CLCN1: variants seen among roughly 807,000 people sequenced by gnomAD.
CLCN1 encodes the protein chloride voltage-gated channel 1.
CLCN1 carries 100 observed loss-of-function variants against 114.5 expected under a neutral mutation model. The ratio of observed to expected loss-of-function variants is 0.87; its 90% CI spans 0.74 to 1.03. CLCN1 has a LOEUF of 1.03. Among genes scored for constraint, CLCN1 ranks in the 50% least tolerant of loss-of-function variants. CLCN1 has a pLI of 0.00. For synonymous variants in CLCN1, 485 were observed against 487.1 expected (o/e 1.00, Z 0.06); for missense variants, 1,188 against 1,250.0 (o/e 0.95, Z 0.75).
At chr7:143,329,577 T>G (rs1435970477) in intron 7 of CLCN1, among the ~76,000 whole-genome samples, 1 of 152,018 alleles carries the variant, frequency 6.6e-6, no homozygotes, top group Non-Finnish European at 1.5e-5. Context: ...TCCTGGGGGA[T>G]TCAAGAGATG....
Position 143,321,541 on chromosome 7 carries a change from G to T in CLCN1, c.562+48G>T. The T allele has an allele frequency of 6.2e-7, 1 of 1,613,242 alleles. No individual in the cohort carries two copies. Among genetic ancestry groups the T allele is most frequent in the Non-Finnish European group, 8.5e-7 (1 of 1,179,930 alleles). ...GGCCTGAGCTGGGTGGCCTGAGAGG[G>T]GCCCTGTCTGTCTCCCCCATCATCC... On this transcript the variant is annotated intron_variant, in intron 4 of 22. Coordinates refer to ENST00000343257, the MANE Select transcript of CLCN1 (RefSeq NM_000083.3). This position sits in a 1 kb window ranked among gnomAD's most constrained non-coding sequence, Gnocchi z 4.2.
intron 20 of CLCN1, among the ~76,000 whole-genome samples, chr7:143,348,622 C>T (rs1803315336): frequency 6.6e-6 from 1 of 152,016 alleles, no homozygotes; most frequent in South Asian, 2.1e-4. Context: ...CCAGATGATA[C>T]CCTTGACAAT....
At chr7:143,332,337 G>A in intron 10 of CLCN1, 82 bp from the exon 11 acceptor site, 1 of 1,028,594 alleles carries the variant, frequency 9.7e-7, no homozygotes, top group Non-Finnish European at 1.5e-6. Flanking sequence ...TGGACTAAAG[G>A]AAACTTCAGC....
Position 143,316,229 on chromosome 7 carries a change from C to G in CLCN1, c.17C>G (p.Ser6Ter). The G allele has an allele frequency of 6.2e-7, 1 of 1,613,410 alleles. No individual in the cohort carries two copies. The highest frequency in any genetic ancestry group is 8.5e-7 in the Non-Finnish European group (1 of 1,179,644). MEQSR[S>*]QQRGGEQSWW... Reference sequence around the variant, plus strand: ...GGAGGGAATATGGAGCAATCCCGGTCACAGCAGCGTGGGGGTGAACAAAGC... The same window carrying G: ...GGAGGGAATATGGAGCAATCCCGGTGACAGCAGCGTGGGGGTGAACAAAGC... The change falls in exon 1 of 23, where the codon TCA (serine) becomes TGA (stop). Residue 6 changes from serine to a stop codon, truncating the protein, a stop_gained. Transcript: ENST00000343257. LOFTEE classifies it high-confidence loss of function.
chr7:143,320,571 C>A, intron 2 of CLCN1, 93 bp from the exon 3 acceptor site: 8 of 840,002 alleles, frequency 9.5e-6, no homozygotes, highest in Admixed American at 8.9e-5. Context: ...CTCTCTCTCT[C>A]TCTCTCTCTC....
In CLCN1 at chr7:143,324,721, C is replaced by G. The variant is rs1203583660; in HGVS notation, c.853+229C>G. 6.6e-6 allele frequency among the ~76,000 whole-genome samples: 1 copy of G among 152,186 alleles called. No homozygotes were observed. The highest frequency in any genetic ancestry group is 1.5e-5 in the Non-Finnish European group (1 of 68,038). ...GGAGGAAGAGGAGAGAACTGAGTTA[C>G]AGAGAGGGACAGTGACTTGAGCAAG... On this transcript the variant is annotated intron_variant, in intron 7 of 22. Transcript: ENST00000343257. The surrounding 1 kb of genome is among the most constrained non-coding windows in gnomAD (Gnocchi z 4.6).
intron 10 of CLCN1, 99 bp downstream of exon 10, chr7:143,331,751 G>A (rs1802730622): frequency 4.9e-6 from 4 of 824,414 alleles, no homozygotes; most frequent in Admixed American, 1.9e-5. Context: ...ATGCCTCTGG[G>A]TGGCTTGCAT....
chr7:143,350,679 GC>G lies in CLCN1; in HGVS notation c.2595+26del. ...GGTAATCACGATGTGTCCCATTTGAGCAGCAGGAGGGAGGCTGGGCATAGGA... is the reference window on the plus strand; with the variant it reads ...GGTAATCACGATGTGTCCCATTTGAGAGCAGGAGGGAGGCTGGGCATAGGA... On this transcript the variant is annotated intron_variant, in intron 22 of 22. Coordinates refer to ENST00000343257, the MANE Select transcript of CLCN1 (RefSeq NM_000083.3). This position sits in a 1 kb window ranked among gnomAD's most constrained non-coding sequence, Gnocchi z 5.1. 1 of 1,572,166 alleles carries G rather than the reference GC, an allele frequency of 6.4e-7. No homozygotes were observed. Among genetic ancestry groups the G allele is most frequent in the South Asian group, 1.1e-5 (1 of 90,254 alleles).
Position 143,351,830 on chromosome 7 carries a change from A to C in CLCN1, c.2832A>C (p.Pro944=), listed in dbSNP as rs774788326. The C allele has an allele frequency of 1.2e-6, 2 of 1,613,870 alleles. No homozygotes were observed. The highest frequency in any genetic ancestry group is 2.2e-5 in the South Asian group (2 of 91,074). The change falls in exon 23 of 23, where the codon CCA becomes CCC. Residue 944 remains proline (P), a synonymous_variant. Coordinates refer to ENST00000343257, the MANE Select transcript of CLCN1 (RefSeq NM_000083.3). ...CAGAGCCCCCTCTCTCCCTGGCCCCAGGCAAGGTAGAGGGCGAGTTGGAGG... is the reference window on the plus strand; with the variant it reads ...CAGAGCCCCCTCTCTCCCTGGCCCCCGGCAAGGTAGAGGGCGAGTTGGAGG... ...PSPEPPLSLA[P]GKVEGELEEL... is the part of the protein sequence containing the mutation.
intron 9 of CLCN1, 59 bp downstream of exon 9, chr7:143,331,375 T>C: frequency 7.5e-7 from 1 of 1,334,008 alleles, no homozygotes; most frequent in Non-Finnish European, 1.1e-6. Context: ...GGCTGTAGAT[T>C]GGAAGGGACC....
chr7:143,335,879 C>T (rs1802870606), intron 12 of CLCN1, among the ~76,000 whole-genome samples: 1 of 152,052 alleles, frequency 6.6e-6, no homozygotes, highest in Non-Finnish European at 1.5e-5. Context: ...CCAGGATGGT[C>T]TCGATCTCCT....
At chr7:143,346,490 T>C in intron 18 of CLCN1, 89 bp from the exon 19 acceptor site, 1 of 980,916 alleles carries the variant, frequency 1.0e-6, no homozygotes, top group Non-Finnish European at 1.7e-6. Flanking sequence ...AGTGCAGCTC[T>C]TTGGAGGCAA....
intron 14 of CLCN1, among the ~76,000 whole-genome samples, chr7:143,340,959 C>A (rs1419115933): frequency 6.6e-6 from 1 of 151,928 alleles, no homozygotes; most frequent in Non-Finnish European, 1.5e-5. Flanking sequence ...GAGAAACAAC[C>A]AAAAATTAAC....
In CLCN1 at chr7:143,339,752, T is replaced by C; in HGVS notation, c.1582+131T>C. On this transcript the variant is annotated intron_variant, in intron 14 of 22. Transcript: ENST00000343257. The surrounding 1 kb of genome is among the most constrained non-coding windows in gnomAD (Gnocchi z 4.1). ...AATTTAGTGCTACTTAACTCAACTT[T>C]TACTCAGATAACATACCCATGGCTC... 1 of 710,756 alleles carries C rather than the reference T, an allele frequency of 1.4e-6. No homozygotes were observed. Among genetic ancestry groups the C allele is most frequent in the South Asian group, 1.5e-5 (1 of 65,682 alleles). 44.0% of individuals were successfully genotyped at this position (710,756 alleles called of 1,614,324 possible).
chr7:143,342,978 A>G (rs928237348), intron 16 of CLCN1, among the ~76,000 whole-genome samples: 1 of 152,156 alleles, frequency 6.6e-6, no homozygotes, highest in Non-Finnish European at 1.5e-5. Flanking sequence ...CTCATAATTC[A>G]TGGTAGTTAT....
intron 20 of CLCN1, among the ~76,000 whole-genome samples, chr7:143,347,735 G>T (rs1410308746): frequency 6.6e-6 from 1 of 151,904 alleles, no homozygotes; most frequent in Non-Finnish European, 1.5e-5. Context: ...GCTAGGCATT[G>T]CTACTGGGAA....
At chr7:143,318,090 A>C (rs1472410601) in intron 1 of CLCN1, among the ~76,000 whole-genome samples, 3 of 152,204 alleles carry the variant, frequency 2.0e-5, no homozygotes, top group African/African-American at 7.2e-5. Flanking sequence ...ACTTACACAA[A>C]AATGGAATGG....
chr7:143,339,676 C>T lies in CLCN1; in HGVS notation c.1582+55C>T. ...AAACATTGAGTACTTCAGATCCCCA[C>T]ACTTAAACTCTCCCATTGGATCTTC... On this transcript the variant is annotated intron_variant, in intron 14 of 22. Coordinates refer to ENST00000343257, the MANE Select transcript of CLCN1 (RefSeq NM_000083.3). The surrounding 1 kb of genome is among the most constrained non-coding windows in gnomAD (Gnocchi z 4.1). 1.9e-6 allele frequency: 2 copies of T among 1,046,018 alleles called. No homozygotes were observed. The highest frequency in any genetic ancestry group is 3.0e-6 in the Non-Finnish European group (2 of 662,518). 64.8% of individuals were successfully genotyped at this position (1,046,018 alleles called of 1,614,324 possible).
chr7:143,342,705 A>G (rs1803120422), intron 16 of CLCN1, among the ~76,000 whole-genome samples, 200 bp downstream of exon 16: 1 of 152,310 alleles, frequency 6.6e-6, no homozygotes, highest in African/African-American at 2.4e-5. Flanking sequence ...ATGGTGGCTC[A>G]TGCCTGTAAT....
Sources: allele counts gnomAD v4.1 joint callset (sites outside exome capture counted in the v4.1 genomes callset), GRCh38; gene constraint gnomAD v4.1.1; non-coding constraint Gnocchi (gnomAD v3.1); transcripts MANE v1.5; gene names NCBI Gene and HGNC (gene_info 2026-07-23, HGNC 2026-07-21).